The following VPS13B variants were observed in gnomAD, a reference collection of about 807,000 sequenced individuals.
VPS13B encodes vacuolar protein sorting 13 homolog B, also known as intermembrane lipid transfer protein VPS13B.
VPS13B carries 285 observed loss-of-function variants against 426.4 expected under a neutral mutation model. That is an observed-to-expected ratio of 0.67 (90% CI 0.61 to 0.74). VPS13B has a LOEUF of 0.74. Ranked by LOEUF, VPS13B falls within the 30% of genes least tolerant of loss-of-function variation. VPS13B has a pLI of 0.00. For synonymous variants in VPS13B, 1,676 were observed against 1,676.4 expected, an observed-to-expected ratio of 1.00 and a Z score of 0.01; for missense variants, 4,537 against 4,782.6, an observed-to-expected ratio of 0.95 and a Z score of 1.51.
intron 36 of VPS13B, 127 bp downstream of exon 36, chr8:99,700,059 G>T: frequency 1.8e-6 from 2 of 1,112,674 alleles, no homozygotes; most frequent in African/African-American, 1.6e-5. Context: ...TTAGAGATGA[G>T]GACATTTCTG....
At chr8:99,684,150 C>A (rs1176838902) in intron 35 of VPS13B, among the ~76,000 whole-genome samples, 2 of 152,234 alleles carry the variant, frequency 1.3e-5, no homozygotes, top group Non-Finnish European at 2.9e-5. Context: ...AGTCCTAGGA[C>A]AACCCCTGTT....
chr8:99,736,311 G>A (rs1190926404), intron 39 of VPS13B, among the ~76,000 whole-genome samples: 1 of 152,110 alleles, frequency 6.6e-6, no homozygotes, highest in Non-Finnish European at 1.5e-5. Context: ...GGTGGCTCTC[G>A]CCTGTAATCT....
intron 3 of VPS13B, among the ~76,000 whole-genome samples, chr8:99,055,414 G>A (rs1006239982): frequency 3.9e-5 from 6 of 152,006 alleles, no homozygotes; most frequent in Non-Finnish European, 8.8e-5. Flanking sequence ...AGCTTTTTCA[G>A]TTTGGTTCAA....
intron 19 of VPS13B, among the ~76,000 whole-genome samples, chr8:99,351,792 CAT>C (rs1811909801): frequency 2.0e-5 from 3 of 152,192 alleles, no homozygotes; most frequent in African/African-American, 7.2e-5. Context: ...GGAAAGCTGA[CAT>C]ATGATAGTTG....
rs974772825 is a variant in VPS13B at position 99,575,594 on chromosome 8, A to C, written c.4950-64A>C. On this transcript the variant is annotated intron_variant, in intron 31 of 61. Transcript: ENST00000357162. ...TGTTTGTAGTACAAAGACTTGTACA[A>C]ATTTAATGAAAATTGTCTTTGAAAA... 7 of 1,604,510 alleles carry C rather than the reference A, an allele frequency of 4.4e-6. No individual in the cohort carries two copies. The Admixed American group carries it at 1.2e-4, about 27-fold the overall frequency.
chr8:99,203,046 CAAA>C (rs55927083), intron 17 of VPS13B, among the ~76,000 whole-genome samples: 275 of 136,526 alleles, frequency 2.0e-3, no homozygotes, highest in Non-Finnish European at 2.0e-3. Context: ...GAGACTGTCT[CAAA>C]AAAAAAAAAA....
chr8:99,834,603 C>T (rs1419532684), intron 52 of VPS13B, among the ~76,000 whole-genome samples: 1 of 151,860 alleles, frequency 6.6e-6, no homozygotes, highest in Admixed American at 6.6e-5. Flanking sequence ...GTGGCACAAA[C>T]ACGGCTCACT....
chr8:99,778,440 T>G (rs1186143581), intron 41 of VPS13B, among the ~76,000 whole-genome samples: 2 of 152,170 alleles, frequency 1.3e-5, no homozygotes, highest in African/African-American at 2.4e-5. Flanking sequence ...CAATTTTTTG[T>G]GAAAGTTACT....
intron 40 of VPS13B, among the ~76,000 whole-genome samples, chr8:99,767,552 T>A (rs1335276245): frequency 6.8e-6 from 1 of 146,566 alleles, no homozygotes; most frequent in African/African-American, 2.5e-5. Context: ...GAAACTTGTG[T>A]AGCTAACCAA....
chr8:99,369,949 TA>T (rs1263833360), intron 19 of VPS13B, among the ~76,000 whole-genome samples: 5 of 152,334 alleles, frequency 3.3e-5, no homozygotes, highest in Admixed American at 6.5e-5. Context: ...AAAACAGTTT[TA>T]CCTGTCATTA....
chr8:99,115,133 T>C (rs5019794), intron 6 of VPS13B, among the ~76,000 whole-genome samples: 112,652 of 151,972 alleles, frequency 0.74, 42,414 homozygotes, highest in South Asian at 0.87. Context: ...TTTCAACATA[T>C]ATTTCACTTG....
rs942483537 is a variant in VPS13B at position 99,134,686 on chromosome 8, A to T, written c.1261A>T (p.Lys421Ter). 10 of 1,610,614 alleles carry T rather than the reference A, an allele frequency of 6.2e-6. No homozygotes were observed. Among genetic ancestry groups the T allele is most frequent in the Non-Finnish European group, 7.6e-6 (9 of 1,178,142 alleles). Residue 421 changes from lysine (K) to a stop codon, truncating the protein, a stop_gained, in exon 9 of 62, where the codon AAA becomes TAA. Transcript: ENST00000357162. LOFTEE classifies it high-confidence loss of function. Reference protein sequence around the residue: ...SYYSPQKVKSKEVLCWEQEGT... With the variant: ...SYYSPQKVKS ...TTACAGTCCACAGAAAGTAAAATCT[A>T]AAGAAGTATTGTGTTGGGAACAAGA...
intron 33 of VPS13B, among the ~76,000 whole-genome samples, chr8:99,594,063 C>T (rs990807476): frequency 6.6e-6 from 1 of 151,866 alleles, no homozygotes; most frequent in Admixed American, 6.6e-5. Context: ...GCACATGTAC[C>T]ACTGAACTTA....
At chr8:99,590,183 A>G (rs563749718) in intron 33 of VPS13B, among the ~76,000 whole-genome samples, 1 of 152,236 alleles carries the variant, frequency 6.6e-6, no homozygotes, top group Admixed American at 6.5e-5. Context: ...CAGTGGTGAT[A>G]TCACCTTTAT....
At chr8:99,094,011 A>C (rs1335295561) in intron 3 of VPS13B, 1 of 152,182 alleles carries the variant, frequency 6.6e-6, no homozygotes, top group Non-Finnish European at 1.5e-5. Context: ...ATAGAGTAAA[A>C]ATAACTTGTT....
rs1314405512 is a variant in VPS13B, at chr8:99,251,961, T to A, written c.2516-22237T>A. On this transcript the variant is annotated intron_variant, in intron 17 of 61. Transcript: ENST00000357162. ...CCTTATATTGGTAATTTATGGTTTCTCTCTTTCTTATTAGAGTTTTTTCAG... is the reference window on the plus strand; with the variant it reads ...CCTTATATTGGTAATTTATGGTTTCACTCTTTCTTATTAGAGTTTTTTCAG... Among the ~76,000 whole-genome samples the A allele has an allele frequency of 5.3e-5, 8 of 151,920 alleles. No homozygotes were observed. The South Asian group carries it at 1.7e-3, about 31-fold the overall frequency.
chr8:99,239,793 T>G (rs1049952946), intron 17 of VPS13B, among the ~76,000 whole-genome samples: 2 of 152,164 alleles, frequency 1.3e-5, no homozygotes, highest in Admixed American at 6.5e-5. Flanking sequence ...AATCCAAGCA[T>G]TTTCTGTTTA....
At chr8:99,542,870 A>G (rs1427024478) in intron 30 of VPS13B, among the ~76,000 whole-genome samples, 1 of 152,202 alleles carries the variant, frequency 6.6e-6, no homozygotes, top group Non-Finnish European at 1.5e-5. Flanking sequence ...ATGCATATAA[A>G]ACATTTAAAA....
chr8:99,036,459 A>AT (rs1184317763), intron 2 of VPS13B, among the ~76,000 whole-genome samples: 1 of 152,218 alleles, frequency 6.6e-6, no homozygotes, highest in Non-Finnish European at 1.5e-5. Flanking sequence ...AGGAAGATCC[A>AT]TTTGTTATAA....
Sources: gnomAD v4.1 joint callset for allele counts (sites outside exome capture counted in the v4.1 genomes callset) on GRCh38, gnomAD v4.1.1 for gene constraint, MANE v1.5 for transcripts, NCBI Gene and HGNC (gene_info 2026-07-23, HGNC 2026-07-21) for gene names.